The following TMEFF2 variants were observed in gnomAD, a reference collection of about 807,000 sequenced individuals.
The protein encoded by TMEFF2 is transmembrane protein with EGF like and two follistatin like domains 2.
TMEFF2 carries 28 observed loss-of-function variants against 53.8 expected under a neutral mutation model. That is an observed-to-expected ratio of 0.52 (90% CI 0.39 to 0.71). TMEFF2 has a LOEUF of 0.71. TMEFF2 is among the 30% of genes least tolerant of loss of function. TMEFF2 has a pLI of 0.00. For missense variants in TMEFF2, 353 were observed against 455.2 expected (o/e 0.78, Z 2.04); for synonymous variants, 162 against 166.3 (o/e 0.97, Z 0.20).
intron 7 of TMEFF2, among the ~76,000 whole-genome samples, chr2:191,968,249 T>C (rs1486119348): frequency 6.6e-6 from 1 of 152,180 alleles, no homozygotes; most frequent in Non-Finnish European, 1.5e-5. Flanking sequence ...TAAAGGAGCA[T>C]TGGGCCACTG....
At chr2:192,095,388 G>A (rs1380828949) in intron 4 of TMEFF2, among the ~76,000 whole-genome samples, 1 of 152,162 alleles carries the variant, frequency 6.6e-6, no homozygotes, top group Non-Finnish European at 1.5e-5. Flanking sequence ...CACTTTGGGA[G>A]GCCAAGGTGG....
chr2:192,038,060 A>G (rs1444379904), intron 5 of TMEFF2: 1 of 152,224 alleles, frequency 6.6e-6, no homozygotes, highest in African/African-American at 2.4e-5. Context: ...GATGGTGCAC[A>G]TGACTTCATA....
At chr2:192,120,084 A>C (rs879459403) in intron 4 of TMEFF2, among the ~76,000 whole-genome samples, 1 of 152,200 alleles carries the variant, frequency 6.6e-6, no homozygotes, top group African/African-American at 2.4e-5. Context: ...AAAGTTTCCT[A>C]TGGGTCAAGG....
At chr2:192,105,874 G>A (rs1206072141) in intron 4 of TMEFF2, among the ~76,000 whole-genome samples, 1 of 151,852 alleles carries the variant, frequency 6.6e-6, no homozygotes, top group East Asian at 1.9e-4. Context: ...TGCAACTTGT[G>A]TCAGAAATAG....
At chr2:192,009,092 AC>A (rs1251286725) in intron 5 of TMEFF2, among the ~76,000 whole-genome samples, 7 of 152,154 alleles carry the variant, frequency 4.6e-5, no homozygotes, top group Non-Finnish European at 2.9e-5. Flanking sequence ...TTGTAAGAAC[AC>A]TCATGATAAT....
chr2:192,027,730 G>A (rs1274880813), intron 5 of TMEFF2: 6 of 152,206 alleles, frequency 3.9e-5, no homozygotes, highest in African/African-American at 1.4e-4. Context: ...ATGTTCTGTT[G>A]TCATCAACTT....
chr2:191,957,106 AGTGAACACTTTTGCCTGCCAT>A (rs1405923416), intron 7 of TMEFF2, among the ~76,000 whole-genome samples: 2 of 152,254 alleles, frequency 1.3e-5, no homozygotes, highest in Admixed American at 6.5e-5. Flanking sequence ...TGGATTCTAA[AGTGAACACTTTTGCCTGCCAT>A]TACAACATGT....
intron 7 of TMEFF2, among the ~76,000 whole-genome samples, chr2:191,984,645 CAT>C (rs1251794853): frequency 6.6e-6 from 1 of 151,982 alleles, no homozygotes; most frequent in Non-Finnish European, 1.5e-5. Context: ...CTTAGACTAA[CAT>C]AGTATACTTT....
chr2:191,972,430 T>TG (rs1465746710), intron 7 of TMEFF2, among the ~76,000 whole-genome samples: 1 of 150,960 alleles, frequency 6.6e-6, no homozygotes, highest in Non-Finnish European at 1.5e-5. Context: ...CCCAAAGGGT[T>TG]GGGATTACAG....
At chr2:191,964,384 T>TTCTCTTTCTTTC (rs1408141974) in intron 7 of TMEFF2, among the ~76,000 whole-genome samples, 7 of 40,960 alleles carry the variant, frequency 1.7e-4, no homozygotes, top group Non-Finnish European at 3.1e-4. Flanking sequence ...CTTTCTTTCT[T>TTCTCTTTCTTTC]TCTTTCTTTC....
chr2:191,984,842 A>G (rs1387831885), intron 7 of TMEFF2, among the ~76,000 whole-genome samples: 1 of 152,142 alleles, frequency 6.6e-6, no homozygotes, highest in African/African-American at 2.4e-5. Flanking sequence ...GAACAGAACT[A>G]CGTGGAGCAT....
chr2:191,954,380 A>G (rs1167146586), intron 8 of TMEFF2, among the ~76,000 whole-genome samples: 1 of 152,192 alleles, frequency 6.6e-6, no homozygotes, highest in Non-Finnish European at 1.5e-5. Context: ...TTTCAAAGGT[A>G]GGAGGATTAC....
intron 7 of TMEFF2, among the ~76,000 whole-genome samples, chr2:191,973,614 G>C (rs543674357): frequency 5.9e-5 from 9 of 152,114 alleles, no homozygotes; most frequent in African/African-American, 2.2e-4. Context: ...GAAGCCATGT[G>C]TGTCTCCTAA....
chr2:191,970,025 T>C (rs1218334402), intron 7 of TMEFF2, among the ~76,000 whole-genome samples: 1 of 152,180 alleles, frequency 6.6e-6, no homozygotes, highest in Non-Finnish European at 1.5e-5. Context: ...CAATCATCTA[T>C]TGGTACATGT....
At position 192,186,965 on chromosome 2, in the gene TMEFF2, C is replaced by T. The variant is rs985480944; in HGVS notation, c.283-2482G>A. Among the ~76,000 whole-genome samples the T allele has an allele frequency of 9.2e-5, 14 of 152,234 alleles. No individual in the cohort carries two copies. The South Asian group carries it at 2.9e-3, about 32-fold the overall frequency. On this transcript the variant is annotated intron_variant, in intron 2 of 9. Coordinates refer to ENST00000272771, the MANE Select transcript of TMEFF2 (RefSeq NM_016192.4). The stretch of plus-strand genomic sequence containing the variant: ...AGGGATGCAGTAAGCCAAATTCGAA[C>T]AGTTCTAAAAACAGAGCTGCCAAGT...
intron 5 of TMEFF2, among the ~76,000 whole-genome samples, chr2:192,018,585 T>C (rs1437805193): frequency 6.6e-6 from 1 of 152,170 alleles, no homozygotes; most frequent in East Asian, 1.9e-4. Context: ...TTGGCAATGC[T>C]GGGTGGGGAT....
At chr2:192,187,460 C>A (rs561410067) in intron 2 of TMEFF2, among the ~76,000 whole-genome samples, 1 of 152,242 alleles carries the variant, frequency 6.6e-6, no homozygotes, top group South Asian at 2.1e-4. Flanking sequence ...AACAGGCTAA[C>A]CCTAAGCATG....
intron 4 of TMEFF2, among the ~76,000 whole-genome samples, chr2:192,143,005 C>T (rs554734339): frequency 2.6e-5 from 4 of 152,100 alleles, no homozygotes; most frequent in Non-Finnish European, 4.4e-5. Flanking sequence ...GGAGGTTTTG[C>T]AGAAAAATAT....
At chr2:192,089,927 C>G (rs895069415) in intron 4 of TMEFF2, among the ~76,000 whole-genome samples, 1 of 152,148 alleles carries the variant, frequency 6.6e-6, no homozygotes, top group African/African-American at 2.4e-5. Flanking sequence ...ATTCTTTTCT[C>G]CACGCATTGA....
Sources: allele counts gnomAD v4.1 joint callset (sites outside exome capture counted in the v4.1 genomes callset), GRCh38; gene constraint gnomAD v4.1.1; transcripts MANE v1.5; gene names NCBI Gene and HGNC (gene_info 2026-07-23, HGNC 2026-07-21).